VPS13B: variants seen among roughly 807,000 people sequenced by gnomAD.
The protein encoded by VPS13B is vacuolar protein sorting 13 homolog B.
VPS13B carries 285 observed loss-of-function variants against 426.4 expected under a neutral mutation model. The ratio of observed to expected loss-of-function variants is 0.67; its 90% CI spans 0.61 to 0.74. The LOEUF is 0.74. Ranked by LOEUF, VPS13B falls within the 30% of genes least tolerant of loss-of-function variation. The pLI is 0.00. For synonymous variants in VPS13B, 1,676 were observed against 1,676.4 expected, an observed-to-expected ratio of 1.00 and a Z score of 0.01; for missense variants, 4,537 against 4,782.6, an observed-to-expected ratio of 0.95 and a Z score of 1.51.
intron 17 of VPS13B, among the ~76,000 whole-genome samples, chr8:99,225,901 T>A (rs1241960824): frequency 6.6e-6 from 1 of 152,198 alleles, no homozygotes; most frequent in Non-Finnish European, 1.5e-5. Context: ...TTTCATGACC[T>A]TCTCTTAGAC....
chr8:99,667,035 T>C (rs1305505774), intron 35 of VPS13B, among the ~76,000 whole-genome samples: 1 of 152,208 alleles, frequency 6.6e-6, no homozygotes, highest in Non-Finnish European at 1.5e-5. Flanking sequence ...GTAATAGTGA[T>C]AATATATTTA....
In VPS13B at chr8:99,418,511, CT is replaced by C. The variant is rs1177570892; in HGVS notation, c.3083-13023del. 2.2e-3 allele frequency among the ~76,000 whole-genome samples: 260 copies of C among 118,050 alleles called. 1 individual carries two copies. Among genetic ancestry groups the C allele is most frequent in the African/African-American group, 8.0e-3 (251 of 31,202 alleles). 77.4% of individuals were successfully genotyped at this position (118,050 alleles called of 152,430 possible). A position where few individuals can be genotyped will look rare whatever the true frequency, so the allele number is the denominator to read the frequency against. On this transcript the variant is annotated intron_variant, in intron 21 of 61. Coordinates refer to ENST00000357162, the MANE Select transcript of VPS13B (RefSeq NM_152564.5). ...TCTTTCTTTCTTTCTTTCTTTCTTT[CT>C]TTCCTTTCTTTCTTTCTCTTTCTTT...
intron 2 of VPS13B, among the ~76,000 whole-genome samples, chr8:99,031,591 A>G (rs1323473322): frequency 6.6e-6 from 1 of 152,104 alleles, no homozygotes; most frequent in Non-Finnish European, 1.5e-5. Flanking sequence ...GTACTGGTTG[A>G]GTAGGGTGTT....
intron 3 of VPS13B, 44 bp from the exon 4 acceptor site, chr8:99,096,268 G>A (rs1846410798): frequency 1.9e-6 from 3 of 1,610,620 alleles, no homozygotes; most frequent in East Asian, 2.2e-5. Context: ...TAATTCTTGA[G>A]TATGATCGAT....
At chr8:99,761,169 A>C (rs1258264258) in intron 39 of VPS13B, among the ~76,000 whole-genome samples, 1 of 152,234 alleles carries the variant, frequency 6.6e-6, no homozygotes, top group Admixed American at 6.5e-5. Context: ...TAACAGAGTA[A>C]AATAGGGCAC....
intron 29 of VPS13B, among the ~76,000 whole-genome samples, chr8:99,516,610 G>A (rs932463921): frequency 3.5e-4 from 53 of 151,194 alleles, no homozygotes; most frequent in African/African-American, 1.3e-3. Flanking sequence ...GCTACATGGC[G>A]AAACCCCATC....
intron 43 of VPS13B, among the ~76,000 whole-genome samples, chr8:99,788,195 T>TA (rs915813464): frequency 6.8e-5 from 10 of 147,530 alleles, no homozygotes; most frequent in East Asian, 2.0e-4. Flanking sequence ...CCAATCTCTA[T>TA]AAAAAAACTT....
At chr8:99,718,187 CTCT>C (rs1348654466) in intron 37 of VPS13B, among the ~76,000 whole-genome samples, 12 of 151,968 alleles carry the variant, frequency 7.9e-5, no homozygotes, top group Non-Finnish European at 1.8e-4. Context: ...TCAAGTGATC[CTCT>C]TGCATCAACC....
At chr8:99,212,835 C>T (rs1815172230) in intron 17 of VPS13B, among the ~76,000 whole-genome samples, 1 of 152,146 alleles carries the variant, frequency 6.6e-6, no homozygotes, top group Non-Finnish European at 1.5e-5. Flanking sequence ...ACTACTCTCC[C>T]CTTTGCCTTC....
intron 3 of VPS13B, among the ~76,000 whole-genome samples, chr8:99,039,886 A>T (rs1006310433): frequency 3.9e-5 from 6 of 152,180 alleles, no homozygotes; most frequent in African/African-American, 1.2e-4. Context: ...CATGAAAATG[A>T]AAAGTTACTT....
intron 19 of VPS13B, among the ~76,000 whole-genome samples, chr8:99,278,380 A>G (rs1819002206): frequency 6.6e-6 from 1 of 152,244 alleles, no homozygotes; most frequent in Non-Finnish European, 1.5e-5. Flanking sequence ...ATTATGACAG[A>G]GAGAAATATT....
In VPS13B at chr8:99,858,798, A is replaced by G. The variant is rs183862671; in HGVS notation, c.10868-506A>G. 6.6e-5 allele frequency among the ~76,000 whole-genome samples: 10 copies of G among 152,368 alleles called. No individual in the cohort carries two copies. In the East Asian group the frequency reaches 1.3e-3, roughly 21 times the overall value. The stretch of plus-strand genomic sequence containing the variant: ...TCCAAAGGGAAGCACTCAACTCAGT[A>G]GGATTGGGAAAGATTAAAAACAACC... On this transcript the variant is annotated intron_variant, in intron 56 of 61. Coordinates refer to ENST00000357162, the MANE Select transcript of VPS13B (RefSeq NM_152564.5).
At chr8:99,866,159 G>C (rs951518879) in intron 58 of VPS13B, among the ~76,000 whole-genome samples, 5 of 152,246 alleles carry the variant, frequency 3.3e-5, no homozygotes, top group African/African-American at 1.2e-4. Flanking sequence ...CAAGTCTTGG[G>C]ATCAGTTTCC....
At chr8:99,389,117 C>G (rs1269783341) in intron 20 of VPS13B, among the ~76,000 whole-genome samples, 1 of 151,966 alleles carries the variant, frequency 6.6e-6, no homozygotes, top group African/African-American at 2.4e-5. Flanking sequence ...CCACTGCACT[C>G]CAGCCTGGGT....
chr8:99,309,507 T>C (rs969674895), intron 19 of VPS13B, among the ~76,000 whole-genome samples: 1 of 152,230 alleles, frequency 6.6e-6, no homozygotes, highest in African/African-American at 2.4e-5. Context: ...TGTGGTATTA[T>C]TTCTGAGGGC....
intron 35 of VPS13B, chr8:99,697,340 G>C: frequency 1.7e-6 from 1 of 574,472 alleles, no homozygotes; most frequent in South Asian, 2.0e-5. Context: ...CCCCTCGAAG[G>C]CCAGGGGCCT....
intron 19 of VPS13B, among the ~76,000 whole-genome samples, chr8:99,324,844 A>G (rs887679312): frequency 7.2e-5 from 11 of 152,174 alleles, no homozygotes; most frequent in South Asian, 2.1e-4. Context: ...TGTAGATTAC[A>G]TCTAGTTACA....
chr8:99,727,148 G>A (rs1463731102), intron 39 of VPS13B, among the ~76,000 whole-genome samples: 1 of 152,168 alleles, frequency 6.6e-6, no homozygotes, highest in East Asian at 1.9e-4. Context: ...AAGTGAGGGA[G>A]CCAAAATTTA....
intron 24 of VPS13B, among the ~76,000 whole-genome samples, chr8:99,468,224 C>T (rs1819215962): frequency 6.6e-6 from 1 of 152,058 alleles, no homozygotes; most frequent in Non-Finnish European, 1.5e-5. Flanking sequence ...TCAATTCCCA[C>T]CTGTGAGTGA....
Sources: allele counts gnomAD v4.1 joint callset (sites outside exome capture counted in the v4.1 genomes callset), GRCh38; gene constraint gnomAD v4.1.1; transcripts MANE v1.5; gene names NCBI Gene and HGNC (gene_info 2026-07-23, HGNC 2026-07-21).